Variants in TMC1 observed in about 807,000 individuals in gnomAD.
The protein encoded by TMC1 is transmembrane channel-like protein 1.
In TMC1, 84 loss-of-function variants were observed where a neutral mutation model predicts 105.8. The ratio of observed to expected loss-of-function variants is 0.79; its 90% CI spans 0.67 to 0.95. The LOEUF (loss-of-function observed/expected upper bound fraction) is 0.95, where lower values mean the gene tolerates loss of function less well. TMC1 is among the 40% of genes least tolerant of loss of function. The pLI is 0.00. For synonymous variants in TMC1, 315 were observed against 311.5 expected (o/e 1.01, Z -0.12); for missense variants, 817 against 914.1 (o/e 0.89, Z 1.37).
At chr9:72,536,534 G>C (rs1402475124) in intron 1 of TMC1, among the ~76,000 whole-genome samples, 1 of 152,096 alleles carries the variant, frequency 6.6e-6, no homozygotes, top group Admixed American at 6.6e-5. Context: ...GGGTTTCACT[G>C]TGTTAGCCAG....
intron 12 of TMC1, among the ~76,000 whole-genome samples, chr9:72,767,172 C>T (rs1321653239): frequency 6.6e-6 from 1 of 152,242 alleles, no homozygotes; most frequent in African/African-American, 2.4e-5. Context: ...TACACCCAGA[C>T]TTGAATCTTG....
At chr9:72,799,031 G>A (rs1356711360) in intron 17 of TMC1, among the ~76,000 whole-genome samples, 1 of 151,846 alleles carries the variant, frequency 6.6e-6, no homozygotes, top group Non-Finnish European at 1.5e-5. Flanking sequence ...TGTTTCATAT[G>A]GCTTTCTATC....
At chr9:72,772,655 C>T (rs1827949698) in intron 13 of TMC1, 100 bp downstream of exon 13, 1 of 1,456,788 alleles carries the variant, frequency 6.9e-7, no homozygotes, top group South Asian at 1.1e-5. Flanking sequence ...TATTTTATGT[C>T]TAAAGGAAAC....
At chr9:72,615,568 A>G (rs1447087059) in intron 2 of TMC1, among the ~76,000 whole-genome samples, 1 of 152,204 alleles carries the variant, frequency 6.6e-6, no homozygotes, top group East Asian at 1.9e-4. Context: ...GAGAGATTAC[A>G]TTAAGTTATT....
Position 72,820,922 on chromosome 9 carries a change from C to T in TMC1, c.1844C>T (p.Ala615Val). The T allele has an allele frequency of 6.2e-7, 1 of 1,614,170 alleles. No homozygotes were observed. Among genetic ancestry groups the T allele is most frequent in the Non-Finnish European group, 8.5e-7 (1 of 1,180,024 alleles). Residue 615 changes from alanine to valine, a missense_variant, in exon 20 of 24, where the codon GCC (alanine) becomes GTC (valine). Physicochemically the swap from Ala to Val is moderately conservative, Grantham distance 64. Coordinates refer to ENST00000297784, the MANE Select transcript of TMC1 (RefSeq NM_138691.3). ...LHTSMYFQCW[A>V]VMCCNVPEAR... ...ACATCCATGTACTTCCAGTGCTGGG[C>T]CGTTATGTGCTGCAATGTTCCTGAG...
At chr9:72,692,129 C>T (rs1180762427) in intron 6 of TMC1, among the ~76,000 whole-genome samples, 1 of 152,150 alleles carries the variant, frequency 6.6e-6, no homozygotes, top group Non-Finnish European at 1.5e-5. Context: ...TTGAGTGAGG[C>T]ATACTATTCA....
At chr9:72,543,956 T>TTTC (rs1823722419) in intron 1 of TMC1, among the ~76,000 whole-genome samples, 2 of 40,924 alleles carry the variant, frequency 4.9e-5, no homozygotes, top group Non-Finnish European at 4.2e-5. Flanking sequence ...TTCTTTCTTT[T>TTTC]TTTTTTTTTT....
intron 8 of TMC1, among the ~76,000 whole-genome samples, chr9:72,728,202 G>A (rs990606938): frequency 6.6e-6 from 1 of 152,102 alleles, no homozygotes; most frequent in Non-Finnish European, 1.5e-5. Flanking sequence ...CAAAAGAACA[G>A]TACATTTTTA....
chr9:72,541,113 C>T (rs1823668263), intron 1 of TMC1, among the ~76,000 whole-genome samples: 1 of 152,178 alleles, frequency 6.6e-6, no homozygotes, highest in African/African-American at 2.4e-5. Flanking sequence ...GTTTCCATCT[C>T]TAGCCCCATA....
At position 72,549,608 on chromosome 9, in the gene TMC1, A is replaced by AT. The variant is rs71357585; in HGVS notation, c.-428+27715dup. On this transcript the variant is annotated intron_variant, in intron 1 of 23. Coordinates refer to ENST00000297784, the MANE Select transcript of TMC1 (RefSeq NM_138691.3). Reference sequence around the variant, plus strand: ...CAGGCACGTACCACCACATCTGGCTATTTTTTTTTTTTTTTTTTTTGAGAC... The same window carrying AT: ...CAGGCACGTACCACCACATCTGGCTATTTTTTTTTTTTTTTTTTTTTGAGAC... 4.0e-3 allele frequency among the ~76,000 whole-genome samples: 488 copies of AT among 120,778 alleles called. 7 individuals are homozygous for AT. Among genetic ancestry groups the AT allele is most frequent in the East Asian group, 0.025 (104 of 4,112 alleles). 79.2% of individuals were successfully genotyped at this position (120,778 alleles called of 152,430 possible). A position where few individuals can be genotyped will look rare whatever the true frequency, so the allele number is the denominator to read the frequency against.
intron 18 of TMC1, among the ~76,000 whole-genome samples, chr9:72,806,468 G>A (rs1255605202): frequency 2.6e-5 from 4 of 151,608 alleles, no homozygotes; most frequent in African/African-American, 9.7e-5. Flanking sequence ...CCCAGACTGG[G>A]TGGCTGCCGG....
intron 8 of TMC1, among the ~76,000 whole-genome samples, chr9:72,720,260 T>C (rs1826999159): frequency 2.0e-5 from 3 of 152,216 alleles, no homozygotes; most frequent in Admixed American, 2.0e-4. Flanking sequence ...GGTCTCTAAG[T>C]ACACTACCAA....
intron 1 of TMC1, among the ~76,000 whole-genome samples, chr9:72,531,046 G>T (rs775709490): frequency 4.0e-5 from 6 of 151,712 alleles, no homozygotes. Flanking sequence ...CACCATGTTA[G>T]CCAGGATGGT....
intron 23 of TMC1, among the ~76,000 whole-genome samples, chr9:72,833,016 T>A (rs1829066668): frequency 1.3e-5 from 2 of 152,186 alleles, no homozygotes; most frequent in Admixed American, 1.3e-4. Flanking sequence ...TTTGTTGTAA[T>A]TTCTTGACTT....
In TMC1 at chr9:72,685,602, G is replaced by A. The variant is rs144522509; in HGVS notation, c.17-3107G>A. Among the ~76,000 whole-genome samples the A allele has an allele frequency of 1.0e-2, 1,518 of 152,104 alleles. 21 individuals carry two copies. Among genetic ancestry groups the A allele is most frequent in the African/African-American group, 0.034 (1,431 of 41,482 alleles). On this transcript the variant is annotated intron_variant, in intron 5 of 23. Transcript: ENST00000297784. Reference sequence around the variant, plus strand: ...TGGTCTTAAACTCCTGACCTCAAGTGATTCATCCACCTCAGCCTCCCAAAG... The same window carrying A: ...TGGTCTTAAACTCCTGACCTCAAGTAATTCATCCACCTCAGCCTCCCAAAG...
intron 8 of TMC1, among the ~76,000 whole-genome samples, chr9:72,705,666 T>G (rs941153047): frequency 3.9e-5 from 6 of 152,190 alleles, no homozygotes; most frequent in Admixed American, 3.9e-4. Context: ...AGCTGGATAT[T>G]TAAAGAAACT....
At chr9:72,728,454 C>G (rs1167615925) in intron 8 of TMC1, among the ~76,000 whole-genome samples, 1 of 152,092 alleles carries the variant, frequency 6.6e-6, no homozygotes, top group Non-Finnish European at 1.5e-5. Context: ...TGCTTTTAGG[C>G]AAAGGGGGAG....
chr9:72,836,088 T>A lies in TMC1; in HGVS notation c.*115T>A. 1 of 1,226,604 alleles carries A rather than the reference T, an allele frequency of 8.2e-7. No homozygotes were observed. The highest frequency in any genetic ancestry group is 1.2e-6 in the Non-Finnish European group (1 of 838,016). The allele number at this position is 1,226,604 out of a possible 1,614,324, so 76.0% of individuals were successfully genotyped here. On this transcript the variant is annotated 3_prime_UTR_variant, in exon 24 of 24. Transcript: ENST00000297784. ...GAACTGCTATTTTCCTGTTCTACCCTTGATGGATTTTCAAGGTCATGCTGG... is the reference window on the plus strand; with the variant it reads ...GAACTGCTATTTTCCTGTTCTACCCATGATGGATTTTCAAGGTCATGCTGG...
chr9:72,718,741 A>AGGT (rs1363997509), intron 8 of TMC1, among the ~76,000 whole-genome samples: 5 of 152,158 alleles, frequency 3.3e-5, no homozygotes, highest in Non-Finnish European at 5.9e-5. Flanking sequence ...GGGGAGGATC[A>AGGT]GGTGGTGGGT....
Sources: allele counts gnomAD v4.1 joint callset (sites outside exome capture counted in the v4.1 genomes callset), GRCh38; gene constraint gnomAD v4.1.1; transcripts MANE v1.5; gene names NCBI Gene and HGNC (gene_info 2026-07-23, HGNC 2026-07-21).